Variants in CADPS2 observed in about 807,000 individuals in gnomAD.
CADPS2 encodes the protein calcium-dependent secretion activator 2.
Under a neutral mutation model 172.5 loss-of-function variants are expected in CADPS2, and 93 were observed. That is an observed-to-expected ratio of 0.54 (90% CI 0.46 to 0.64). The LOEUF (loss-of-function observed/expected upper bound fraction) is 0.64, where lower values mean the gene tolerates loss of function less well. Ranked by LOEUF, CADPS2 falls within the 30% of genes least tolerant of loss-of-function variation. CADPS2 has a pLI of 0.00. For missense variants in CADPS2, 1,420 were observed against 1,565.9 expected (o/e 0.91, Z 1.57); for synonymous variants, 546 against 555.2 (o/e 0.98, Z 0.23).
At chr7:122,321,176 T>C (rs114438269) in intron 29 of CADPS2, among the ~76,000 whole-genome samples, 2,190 of 152,234 alleles carry the variant, frequency 0.014, 48 homozygotes, top group African/African-American at 0.048. Context: ...GACTGATTGA[T>C]TGACTGATTG....
chr7:122,858,825 C>A (rs1432379798), intron 1 of CADPS2, among the ~76,000 whole-genome samples: 1 of 151,926 alleles, frequency 6.6e-6, no homozygotes, highest in Non-Finnish European at 1.5e-5. Flanking sequence ...CTGGTAAGAA[C>A]AAGTAAAAAG....
chr7:122,339,808 C>T (rs1416521915), intron 28 of CADPS2, among the ~76,000 whole-genome samples: 1 of 152,126 alleles, frequency 6.6e-6, no homozygotes, highest in East Asian at 1.9e-4. Context: ...ATCATTTGAA[C>T]CTGGAAGTGG....
chr7:122,426,939 C>A (rs553628200), intron 17 of CADPS2, among the ~76,000 whole-genome samples: 2 of 152,296 alleles, frequency 1.3e-5, no homozygotes, highest in South Asian at 4.1e-4. Context: ...GTGAGCTGAG[C>A]AAACTGACAT....
intron 6 of CADPS2, among the ~76,000 whole-genome samples, chr7:122,606,479 G>A (rs189165017): frequency 3.4e-4 from 51 of 152,214 alleles, no homozygotes; most frequent in Admixed American, 5.9e-4. Flanking sequence ...AAGTGACCAT[G>A]GAACTAGGGC....
intron 29 of CADPS2, among the ~76,000 whole-genome samples, chr7:122,323,776 T>C (rs1034183838): frequency 1.3e-5 from 2 of 150,988 alleles, no homozygotes; most frequent in African/African-American, 4.9e-5. Flanking sequence ...ATATGGTTTA[T>C]CATAAGGATA....
chr7:122,499,876 G>A (rs2059054493), intron 9 of CADPS2, among the ~76,000 whole-genome samples: 1 of 151,880 alleles, frequency 6.6e-6, no homozygotes, highest in Non-Finnish European at 1.5e-5. Flanking sequence ...CTCTTATTTG[G>A]AAGAATCTTA....
chr7:122,346,268 TG>T (rs1478919432), intron 27 of CADPS2, among the ~76,000 whole-genome samples: 43 of 151,760 alleles, frequency 2.8e-4, no homozygotes. Flanking sequence ...GCCAGGAGGG[TG>T]AGGCAGGAGA....
intron 8 of CADPS2, among the ~76,000 whole-genome samples, chr7:122,521,268 T>C (rs1563581669): frequency 6.6e-6 from 1 of 152,046 alleles, no homozygotes; most frequent in Non-Finnish European, 1.5e-5. Context: ...TCAAACACCT[T>C]TCAGACACTC....
chr7:122,677,998 T>G (rs2082564674), intron 2 of CADPS2, among the ~76,000 whole-genome samples: 1 of 152,188 alleles, frequency 6.6e-6, no homozygotes. Context: ...TTATACCACA[T>G]CATTGTATGT....
At chr7:122,776,080 C>A (rs1056964326) in intron 1 of CADPS2, among the ~76,000 whole-genome samples, 5 of 152,078 alleles carry the variant, frequency 3.3e-5, no homozygotes, top group African/African-American at 1.2e-4. Context: ...TTGTTATATA[C>A]CAACTATATG....
chr7:122,335,280 C>G (rs558994258), intron 28 of CADPS2, among the ~76,000 whole-genome samples: 2 of 152,158 alleles, frequency 1.3e-5, no homozygotes, highest in African/African-American at 4.8e-5. Context: ...GATGGAGTCT[C>G]GCTCTGTCAC....
chr7:122,574,768 G>C (rs1357573533), intron 7 of CADPS2, among the ~76,000 whole-genome samples: 1 of 152,032 alleles, frequency 6.6e-6, no homozygotes, highest in Non-Finnish European at 1.5e-5. Context: ...AAAAATAACA[G>C]ACACAGACTA....
At chr7:122,842,764 G>A (rs1247576534) in intron 1 of CADPS2, among the ~76,000 whole-genome samples, 1 of 152,106 alleles carries the variant, frequency 6.6e-6, no homozygotes, top group African/African-American at 2.4e-5. Context: ...AGATAATTAT[G>A]CCACAAAATA....
intron 27 of CADPS2, among the ~76,000 whole-genome samples, chr7:122,348,077 A>G (rs2037963279): frequency 6.6e-6 from 1 of 152,106 alleles, no homozygotes; most frequent in African/African-American, 2.4e-5. Flanking sequence ...AGAACAGACA[A>G]ATGGGACGCT....
chr7:122,335,982 T>C (rs1378853828), intron 28 of CADPS2, among the ~76,000 whole-genome samples: 1 of 152,170 alleles, frequency 6.6e-6, no homozygotes, highest in African/African-American at 2.4e-5. Context: ...AACTATTTTT[T>C]CCCCTCCAGT....
chr7:122,837,702 A>T (rs1423553506), intron 1 of CADPS2, among the ~76,000 whole-genome samples: 2 of 152,250 alleles, frequency 1.3e-5, no homozygotes, highest in Admixed American at 1.3e-4. Context: ...ATTCCTGGAC[A>T]CATACACTCT....
At chr7:122,439,290 TAA>T (rs2051052652) in intron 16 of CADPS2, 5 of 152,176 alleles carry the variant, frequency 3.3e-5, no homozygotes, top group African/African-American at 2.4e-5. Flanking sequence ...CTGCTCACAT[TAA>T]GTTTTGATTA....
rs565583745 is a variant in CADPS2 at position 122,779,238 on chromosome 7, A to T, written c.340-42170T>A. Among the ~76,000 whole-genome samples the T allele has an allele frequency of 2.0e-5, 3 of 152,268 alleles. No homozygotes were observed. The South Asian group carries it at 6.2e-4, about 32-fold the overall frequency. Reference sequence around the variant, plus strand: ...GGACTAATACACCAACCAACCACAGAATCTCAGTGCACACAACAATAAGCC... The same window carrying T: ...GGACTAATACACCAACCAACCACAGTATCTCAGTGCACACAACAATAAGCC... On this transcript the variant is annotated intron_variant, in intron 1 of 29. Transcript: ENST00000449022.
At chr7:122,832,281 A>T (rs1204838632) in intron 1 of CADPS2, among the ~76,000 whole-genome samples, 1 of 151,880 alleles carries the variant, frequency 6.6e-6, no homozygotes, top group Non-Finnish European at 1.5e-5. Flanking sequence ...AAAACTGGAG[A>T]TAGACAAATA....
Sources: gnomAD v4.1 joint callset for allele counts (sites outside exome capture counted in the v4.1 genomes callset) on GRCh38, gnomAD v4.1.1 for gene constraint, MANE v1.5 for transcripts, NCBI Gene and HGNC (gene_info 2026-07-23, HGNC 2026-07-21) for gene names.